Variants in FLNC observed in about 807,000 individuals in gnomAD.
The protein encoded by FLNC is filamin C.
In FLNC, 91 loss-of-function variants were observed where a neutral mutation model predicts 254.3. The observed-to-expected ratio is 0.36, with a 90% CI of 0.30 to 0.43. The LOEUF (loss-of-function observed/expected upper bound fraction) is 0.43, where lower values mean the gene tolerates loss of function less well. Ranked by LOEUF, FLNC falls within the 20% of genes least tolerant of loss-of-function variation. The pLI, the probability that FLNC is intolerant of heterozygous loss-of-function variation, is 1.00. For synonymous variants in FLNC, 1,430 were observed against 1,577.2 expected, an observed-to-expected ratio of 0.91 and a Z score of 2.21; for missense variants, 2,853 against 3,802.6, an observed-to-expected ratio of 0.75 and a Z score of 6.57.
Position 128,838,082 on chromosome 7 carries a change from C to A in FLNC, c.1047+18C>A. On this transcript the variant is annotated intron_variant, in intron 6 of 47. Coordinates refer to ENST00000325888, the MANE Select transcript of FLNC (RefSeq NM_001458.5). Reference sequence around the variant, plus strand: ...TACACAAGGTATCTCCCTCTAGGCCCCCCTGCCTGCGCTGCTCTTCACATC... The same window carrying A: ...TACACAAGGTATCTCCCTCTAGGCCACCCTGCCTGCGCTGCTCTTCACATC... The A allele has an allele frequency of 6.2e-7, 1 of 1,604,468 alleles. No homozygotes were observed. The highest frequency in any genetic ancestry group is 8.5e-7 in the Non-Finnish European group (1 of 1,171,692).
Position 128,846,064 on chromosome 7 carries a change from A to G in FLNC, c.3865A>G (p.Thr1289Ala). Reference protein sequence around the residue: ...SLTATGGNHVTARVLNPSGAK... With the variant: ...SLTATGGNHVAARVLNPSGAK... ...AACAGCCACAGGCGGCAACCACGTG[A>G]CGGCTCGTGTGCTCAACCCCTCGGG... The change falls in exon 22 of 48, where the codon ACG becomes GCG. Residue 1289 changes from threonine (T) to alanine (A), a missense_variant. Thr to Ala is a moderately conservative substitution (Grantham distance 58, BLOSUM62 0). Coordinates refer to ENST00000325888, the MANE Select transcript of FLNC (RefSeq NM_001458.5). 6.2e-7 allele frequency: 1 copy of G among 1,613,934 alleles called. No homozygotes were observed. Among genetic ancestry groups the G allele is most frequent in the Non-Finnish European group, 8.5e-7 (1 of 1,180,000 alleles).
intron 1 of FLNC, among the ~76,000 whole-genome samples, chr7:128,831,694 C>T (rs1373179952): frequency 2.0e-5 from 3 of 152,212 alleles, no homozygotes; most frequent in Non-Finnish European, 2.9e-5. Flanking sequence ...CAGCCCACCC[C>T]CTACCGCGGG....
At chr7:128,832,227 C>T (rs932119857) in intron 1 of FLNC, among the ~76,000 whole-genome samples, 5 of 152,130 alleles carry the variant, frequency 3.3e-5, no homozygotes, top group African/African-American at 1.2e-4. Context: ...TGCCCCCCCA[C>T]CCCACCCGCC....
chr7:128,848,348 G>A (rs1459419327), intron 26 of FLNC, among the ~76,000 whole-genome samples: 1 of 152,126 alleles, frequency 6.6e-6, no homozygotes, highest in Non-Finnish European at 1.5e-5. Flanking sequence ...CTGGGGAATG[G>A]AGACGTACCC....
In FLNC at chr7:128,835,574, G is replaced by A. The variant is rs1808062939; in HGVS notation, c.601G>A (p.Gly201Ser). 3.7e-6 allele frequency: 6 copies of A among 1,612,950 alleles called. No homozygotes were observed. The highest frequency in any genetic ancestry group is 2.2e-5 in the East Asian group (1 of 44,866). ...LGALVDNCAPGLCPDWEAWDP... is the reference protein window; with the variant it reads ...LGALVDNCAPSLCPDWEAWDP... ...CGCCCTGGTGGACAACTGCGCCCCC[G>A]GTGAGTGGGCCAGTGAGCACAGCAT... is the stretch of plus-strand genomic sequence containing the variant. The change falls in exon 2 of 48, where the codon GGT becomes AGT. Residue 201 changes from glycine to serine, a missense_variant and splice_region_variant. Coordinates refer to ENST00000325888, the MANE Select transcript of FLNC (RefSeq NM_001458.5). This position sits in a 1 kb window ranked among gnomAD's most constrained non-coding sequence, Gnocchi z 5.3.
rs1375892497 is a variant in FLNC at position 128,841,783 on chromosome 7, C to T, written c.2121+216C>T. Reference sequence around the variant, plus strand: ...CTAAAAACGTATTTTACCAAAGAGTCATTTTTGTGCTAATTTGTAATTGAA... The same window carrying T: ...CTAAAAACGTATTTTACCAAAGAGTTATTTTTGTGCTAATTTGTAATTGAA... On this transcript the variant is annotated intron_variant, in intron 13 of 47. Transcript: ENST00000325888. The surrounding 1 kb of genome is among the most constrained non-coding windows in gnomAD (Gnocchi z 4.3). 6.6e-6 allele frequency among the ~76,000 whole-genome samples: 1 copy of T among 152,196 alleles called. No homozygotes were observed. Among genetic ancestry groups the T allele is most frequent in the Non-Finnish European group, 1.5e-5 (1 of 68,030 alleles).
chr7:128,844,973 G>A lies in FLNC; in HGVS notation c.3508G>A (p.Val1170Ile). 6.2e-7 allele frequency: 1 copy of A among 1,613,854 alleles called. No individual in the cohort carries two copies. Among genetic ancestry groups the A allele is most frequent in the Non-Finnish European group, 8.5e-7 (1 of 1,180,012 alleles). The change falls in exon 21 of 48, where the codon GTC becomes ATC. Residue 1170 changes from valine (V) to isoleucine (I), a missense_variant. This residue lies in a region of FLNC where 1,573 missense variants were observed against 1,883.5 expected (regional missense o/e 0.84). Transcript: ENST00000325888. ...TGGACCGGGCCTGGAGCGCGGCAAG[G>A]TCGGTGAGGCAGCCACCTTCACTGT... ...ASGPGLERGK[V>I]GEAATFTVDC...
At chr7:128,831,991 T>G (rs966093213) in intron 1 of FLNC, among the ~76,000 whole-genome samples, 1 of 149,204 alleles carries the variant, frequency 6.7e-6, no homozygotes, top group African/African-American at 2.5e-5. Context: ...CAGGACGAGG[T>G]CCTTGGACGG....
In FLNC at chr7:128,853,304, C is replaced by G. The variant is rs947597518; in HGVS notation, c.6209-165C>G. The G allele has an allele frequency of 4.7e-6, 4 of 845,072 alleles. No individual in the cohort carries two copies. The African/African-American group carries it at 6.7e-5, about 14-fold the overall frequency. The allele number at this position is 845,072 out of a possible 1,614,324, so 52.3% of individuals were successfully genotyped here. On this transcript the variant is annotated intron_variant, in intron 37 of 47. Transcript: ENST00000325888. The stretch of plus-strand genomic sequence containing the variant: ...GCTTACCTTAGGGAATTTTCCAGAC[C>G]GCCTGTCCCGTGGTGCCCCCGCTCC...
intron 28 of FLNC, 34 bp downstream of exon 28, chr7:128,849,016 C>T (rs769073065): frequency 6.2e-7 from 1 of 1,604,816 alleles, no homozygotes. Context: ...GCCCTGCTCA[C>T]CACCCAGCCC....
intron 5 of FLNC, 112 bp downstream of exon 5, chr7:128,837,867 G>A: frequency 7.3e-7 from 1 of 1,364,648 alleles, no homozygotes; most frequent in Non-Finnish European, 1.0e-6. Context: ...ACACTGTGCT[G>A]TGCAGTCTGG....
rs1809180455 is a variant in FLNC, at chr7:128,858,735, CCCT to C, written c.*213_*215del. ...TTGTCTGTGTCAGGACAGTGTCCCT[CCCT>C]GGGAATGTGACATGAGGGCCGACTG... On this transcript the variant is annotated 3_prime_UTR_variant, in exon 48 of 48. Coordinates refer to ENST00000325888, the MANE Select transcript of FLNC (RefSeq NM_001458.5). The surrounding 1 kb of genome is among the most constrained non-coding windows in gnomAD (Gnocchi z 6.7). 4 of 590,714 alleles carry C rather than the reference CCCT, an allele frequency of 6.8e-6. No homozygotes were observed. In the East Asian group the frequency reaches 1.1e-4, roughly 17 times the overall value. The allele number at this position is 590,714 out of a possible 1,614,324, so 36.6% of individuals were successfully genotyped here.
chr7:128,832,951 TTC>T (rs1266404342), intron 1 of FLNC, among the ~76,000 whole-genome samples: 1 of 152,204 alleles, frequency 6.6e-6, no homozygotes, highest in Non-Finnish European at 1.5e-5. Flanking sequence ...TGGGGCCACC[TTC>T]TGAGTATTGT....
In FLNC at chr7:128,847,620, T is replaced by G. The variant is rs1562998724; in HGVS notation, c.4289-77T>G. ...GGGCATTTCAAAGGCAGGGAAGGCCTCCTCCTCCGAGGCTCCTCAGCATCA... is the reference window on the plus strand; with the variant it reads ...GGGCATTTCAAAGGCAGGGAAGGCCGCCTCCTCCGAGGCTCCTCAGCATCA... On this transcript the variant is annotated intron_variant, in intron 24 of 47. Coordinates refer to ENST00000325888, the MANE Select transcript of FLNC (RefSeq NM_001458.5). The G allele has an allele frequency of 3.7e-5, 58 of 1,571,134 alleles. No individual in the cohort carries two copies. The East Asian group carries it at 1.3e-3, about 34-fold the overall frequency.
intron 33 of FLNC, 77 bp downstream of exon 33, chr7:128,851,020 C>G: frequency 1.3e-6 from 2 of 1,581,058 alleles, no homozygotes; most frequent in Non-Finnish European, 1.7e-6. Flanking sequence ...TTCCCTCTTT[C>G]AACAAATATT....
rs375912712 is a variant in FLNC at position 128,851,546 on chromosome 7, G to A, written c.5760G>A (p.Pro1920=). ...KDGTCTVSYL[P]TAPGDYSIIV... is the part of the protein sequence containing the mutation. ...GCACCTGCACCGTGTCCTATCTGCCGACTGCGCCTGGAGACTACAGCATCA... is the reference window on the plus strand; with the variant it reads ...GCACCTGCACCGTGTCCTATCTGCCAACTGCGCCTGGAGACTACAGCATCA... The change falls in exon 35 of 48, where the codon CCG becomes CCA. Residue 1920 remains proline (P), a synonymous_variant. Coordinates refer to ENST00000325888, the MANE Select transcript of FLNC (RefSeq NM_001458.5). 54 of 1,613,818 alleles carry A rather than the reference G, an allele frequency of 3.3e-5. No homozygotes were observed. Among genetic ancestry groups the A allele is most frequent in the South Asian group, 1.6e-4 (15 of 91,084 alleles).
Position 128,841,632 on chromosome 7 carries a change from A to G in FLNC, c.2121+65A>G, listed in dbSNP as rs1808340239. 1 of 1,260,516 alleles carries G rather than the reference A, an allele frequency of 7.9e-7. No homozygotes were observed. The highest frequency in any genetic ancestry group is 1.2e-6 in the Non-Finnish European group (1 of 858,032). 78.1% of individuals were successfully genotyped at this position (1,260,516 alleles called of 1,614,324 possible). On this transcript the variant is annotated intron_variant, in intron 13 of 47. Coordinates refer to ENST00000325888, the MANE Select transcript of FLNC (RefSeq NM_001458.5). This position sits in a 1 kb window ranked among gnomAD's most constrained non-coding sequence, Gnocchi z 4.3. ...GGCAGGGACCCTGGAAGGCAGGGCC[A>G]GGCCAGAGGCAGAGGCCTCCCAGCA...
intron 33 of FLNC, 27 bp from the exon 34 acceptor site, chr7:128,851,205 C>G: frequency 1.2e-6 from 2 of 1,613,764 alleles, no homozygotes; most frequent in African/African-American, 2.7e-5. Flanking sequence ...GATGCTGACC[C>G]AGCCCCCTTT....
Position 128,840,839 on chromosome 7 carries a change from T to C in FLNC, c.1682T>C (p.Phe561Ser). 6.2e-7 allele frequency: 1 copy of C among 1,613,610 alleles called. No individual in the cohort carries two copies. The highest frequency in any genetic ancestry group is 8.5e-7 in the Non-Finnish European group (1 of 1,179,830). The change falls in exon 11 of 48, where the codon TTT becomes TCT. Residue 561 changes from phenylalanine to serine, a missense_variant. Phe to Ser is a radical substitution (Grantham distance 155). This residue lies in a region of FLNC where 1,573 missense variants were observed against 1,883.5 expected (regional missense o/e 0.84). Transcript: ENST00000325888. ...WGGYAIPRSP[F>S]EVQVSPEAGV... ...CCAGCTCCCTCTCTGCCCAGCCCCTTTGAGGTACAGGTGAGCCCAGAGGCA... is the reference window on the plus strand; with the variant it reads ...CCAGCTCCCTCTCTGCCCAGCCCCTCTGAGGTACAGGTGAGCCCAGAGGCA...
Sources: gnomAD v4.1 joint callset for allele counts (sites outside exome capture counted in the v4.1 genomes callset) on GRCh38, gnomAD v4.1.1 for gene constraint, gnomAD v4.1.1 regional missense constraint, Gnocchi (gnomAD v3.1) non-coding constraint, MANE v1.5 for transcripts, NCBI Gene and HGNC (gene_info 2026-07-23, HGNC 2026-07-21) for gene names.